Variants in PLEKHA7 observed in about 807,000 individuals in gnomAD.
PLEKHA7 encodes the protein pleckstrin homology domain-containing family A member 7.
PLEKHA7 carries 104 observed loss-of-function variants against 170.0 expected under a neutral mutation model. The ratio of observed to expected loss-of-function variants is 0.61; its 90% CI spans 0.52 to 0.72. PLEKHA7 has a LOEUF of 0.72. Among genes scored for constraint, PLEKHA7 ranks in the 30% least tolerant of loss-of-function variants. The pLI is 0.00. For missense variants in PLEKHA7, 1,615 were observed against 1,671.7 expected (o/e 0.97, Z 0.59); for synonymous variants, 648 against 660.8 (o/e 0.98, Z 0.30).
intron 9 of PLEKHA7, among the ~76,000 whole-genome samples, chr11:16,835,818 G>C (rs1417747888): frequency 6.6e-6 from 1 of 152,186 alleles, no homozygotes; most frequent in Non-Finnish European, 1.5e-5. Flanking sequence ...GGTATAACAG[G>C]AAGTGAGGGA....
chr11:16,908,256 TAA>T (rs56085929), intron 3 of PLEKHA7, among the ~76,000 whole-genome samples: 15 of 104,518 alleles, frequency 1.4e-4, no homozygotes, highest in South Asian at 2.9e-4. Flanking sequence ...GAATGATCAA[TAA>T]AAAAAAAAAA....
chr11:16,881,060 G>T (rs768002400), intron 3 of PLEKHA7, among the ~76,000 whole-genome samples: 1 of 152,202 alleles, frequency 6.6e-6, no homozygotes, highest in Admixed American at 6.5e-5. Flanking sequence ...CATCAGGGAG[G>T]TGTAGTTAAT....
intron 8 of PLEKHA7, among the ~76,000 whole-genome samples, chr11:16,848,037 T>C (rs1261944563): frequency 6.6e-6 from 1 of 152,072 alleles, no homozygotes; most frequent in African/African-American, 2.4e-5. Flanking sequence ...ATATACTAGG[T>C]CCTGCTCTAC....
At chr11:16,949,161 GTCTA>G (rs1004846180) in intron 3 of PLEKHA7, among the ~76,000 whole-genome samples, 23 of 151,386 alleles carry the variant, frequency 1.5e-4, no homozygotes, top group African/African-American at 5.1e-4. Context: ...AGCTTTATCT[GTCTA>G]TCTGTTTCAG....
chr11:16,799,685 C>G (rs1848459765), intron 17 of PLEKHA7, among the ~76,000 whole-genome samples: 1 of 152,190 alleles, frequency 6.6e-6, no homozygotes, highest in African/African-American at 2.4e-5. Flanking sequence ...CAACAACATT[C>G]ACCTAGTATT....
intron 19 of PLEKHA7, among the ~76,000 whole-genome samples, chr11:16,794,053 C>T (rs960079570): frequency 1.3e-5 from 2 of 152,146 alleles, no homozygotes; most frequent in African/African-American, 2.4e-5. Context: ...CAGTGCTCAG[C>T]GGCGGGTGAA....
intron 3 of PLEKHA7, among the ~76,000 whole-genome samples, chr11:16,962,265 T>C (rs1862108289): frequency 6.6e-6 from 1 of 152,230 alleles, no homozygotes; most frequent in Non-Finnish European, 1.5e-5. Flanking sequence ...TTTCTCACTC[T>C]GAATGGGCAT....
intron 3 of PLEKHA7, among the ~76,000 whole-genome samples, chr11:16,940,019 C>G (rs1860571595): frequency 6.6e-6 from 1 of 152,078 alleles, no homozygotes; most frequent in African/African-American, 2.4e-5. Context: ...ATTTGCCAAG[C>G]CAAAGCCAGG....
At chr11:16,997,591 G>C (rs1402150387) in intron 3 of PLEKHA7, among the ~76,000 whole-genome samples, 1 of 152,124 alleles carries the variant, frequency 6.6e-6, no homozygotes, top group Non-Finnish European at 1.5e-5. Context: ...AAGATAGCAA[G>C]ACCCCAAAGC....
chr11:16,875,352 A>ATT (rs543953042), intron 3 of PLEKHA7, among the ~76,000 whole-genome samples: 134 of 147,626 alleles, frequency 9.1e-4, no homozygotes, highest in South Asian at 7.1e-3. Flanking sequence ...TAGAATACTA[A>ATT]ATTTTTTTTT....
Position 16,974,690 on chromosome 11 carries a change from C to T in PLEKHA7, c.221+39299G>A, listed in dbSNP as rs1192734304. On this transcript the variant is annotated intron_variant, in intron 3 of 26. Transcript: ENST00000531066. The stretch of plus-strand genomic sequence containing the variant: ...TTATTGTCTTCATAATAAAAGATGA[C>T]ACTTAGAACTGGATCACTTGGCCCT... The T allele has an allele frequency of 7.1e-6, 3 of 419,714 alleles. 1 individual carries two copies. Among genetic ancestry groups the T allele is most frequent in the African/African-American group, 1.8e-4 (2 of 10,906 alleles). 26.0% of individuals were successfully genotyped at this position (419,714 alleles called of 1,614,324 possible).
chr11:16,805,035 G>A (rs145082608), intron 13 of PLEKHA7, among the ~76,000 whole-genome samples: 1,972 of 152,298 alleles, frequency 0.013, 42 homozygotes, highest in African/African-American at 0.046. Flanking sequence ...TGAAGTCTTC[G>A]CTCTATGCCA....
chr11:16,932,810 G>C (rs1860037433), intron 3 of PLEKHA7, among the ~76,000 whole-genome samples: 1 of 152,218 alleles, frequency 6.6e-6, no homozygotes, highest in Admixed American at 6.5e-5. Flanking sequence ...TTTAAGCTAA[G>C]ACCCAGGGGA....
chr11:16,839,682 T>C (rs1230946286), intron 9 of PLEKHA7, among the ~76,000 whole-genome samples: 1 of 152,110 alleles, frequency 6.6e-6, no homozygotes, highest in Admixed American at 6.6e-5. Context: ...TTACATTGTA[T>C]TAGGTATTAT....
intron 3 of PLEKHA7, among the ~76,000 whole-genome samples, chr11:16,932,768 T>C (rs1860033892): frequency 1.3e-5 from 2 of 152,216 alleles, no homozygotes; most frequent in African/African-American, 2.4e-5. Context: ...GGTCAGGGTA[T>C]GTATCAGGTA....
intron 3 of PLEKHA7, among the ~76,000 whole-genome samples, chr11:16,901,132 C>A (rs188664567): frequency 1.3e-5 from 2 of 152,296 alleles, no homozygotes; most frequent in African/African-American, 4.8e-5. Flanking sequence ...CAGGCATGAG[C>A]CACTGCACCC....
Position 16,942,917 on chromosome 11 carries a change from T to A in PLEKHA7, c.221+71072A>T, listed in dbSNP as rs56860061. The stretch of plus-strand genomic sequence containing the variant: ...TCTATTTCATAAATTTCTACTTCAA[T>A]AAAACCACCAGTGACAATAAACAAC... On this transcript the variant is annotated intron_variant, in intron 3 of 26. Transcript: ENST00000531066. Among the ~76,000 whole-genome samples the A allele has an allele frequency of 4.6e-5, 7 of 152,342 alleles. No homozygotes were observed. In the East Asian group the frequency reaches 1.3e-3, roughly 29 times the overall value.
chr11:17,005,154 C>T (rs951088300), intron 3 of PLEKHA7, among the ~76,000 whole-genome samples: 11 of 152,188 alleles, frequency 7.2e-5, no homozygotes, highest in Admixed American at 7.2e-4. Context: ...TGCCCCTGCA[C>T]ACGTTTCTGT....
chr11:16,995,734 C>T (rs551804000), intron 3 of PLEKHA7, among the ~76,000 whole-genome samples: 6 of 152,304 alleles, frequency 3.9e-5, no homozygotes, highest in South Asian at 2.1e-4. Flanking sequence ...GCTTTTTCTT[C>T]CTCTGCCCAG....
Sources: gnomAD v4.1 joint callset for allele counts (sites outside exome capture counted in the v4.1 genomes callset) on GRCh38, gnomAD v4.1.1 for gene constraint, MANE v1.5 for transcripts, NCBI Gene and HGNC (gene_info 2026-07-23, HGNC 2026-07-21) for gene names.